JRK: variants seen among roughly 807,000 people sequenced by gnomAD.
JRK encodes jerky protein homolog.
For missense variants in JRK, 720 were observed against 509.2 expected, an observed-to-expected ratio of 1.41 and a Z score of -3.98; for synonymous variants, 303 against 218.1, an observed-to-expected ratio of 1.39 and a Z score of -3.43.
chr8:142,660,429 G>C lies in JRK; in HGVS notation c.*3923C>G, dbSNP rs1270527909. The C allele has an allele frequency of 4.1e-6, 4 of 984,136 alleles. No individual in the cohort carries two copies. Among genetic ancestry groups the C allele is most frequent in the Non-Finnish European group, 4.8e-6 (4 of 828,776 alleles). 61.0% of individuals were successfully genotyped at this position (984,136 alleles called of 1,614,324 possible). On this transcript the variant is annotated 3_prime_UTR_variant, in exon 2 of 2. Transcript: ENST00000612905. ...TGTTATTTTTTGTTTTTAGAGATTA[G>C]GTCTCTCACTCTGTCACCCAGGCTG...
chr8:142,663,047 G>A lies in JRK; in HGVS notation c.*1305C>T, dbSNP rs1360148826. 2 of 661,036 alleles carry A rather than the reference G, an allele frequency of 3.0e-6. No homozygotes were observed. Among genetic ancestry groups the A allele is most frequent in the African/African-American group, 3.9e-5 (2 of 50,794 alleles). The allele number at this position is 661,036 out of a possible 1,614,324, so 40.9% of individuals were successfully genotyped here. On this transcript the variant is annotated 3_prime_UTR_variant, in exon 2 of 2. Transcript: ENST00000612905. The stretch of plus-strand genomic sequence containing the variant: ...GCGTGCCTCTAGTCCCAGCTACTCA[G>A]GAGGCTGGGGCGGGAGGATCACTCA...
At chr8:142,647,651 G>A in the JRK span, among the ~76,000 whole-genome samples, 1 of 152,210 alleles carries the variant, frequency 6.6e-6, no homozygotes, top group South Asian at 2.1e-4. Context: ...GGAGCTGTAA[G>A]TCCATTAAAC....
downstream of JRK, among the ~76,000 whole-genome samples, chr8:142,657,278 G>A (rs998359146): frequency 6.6e-6 from 1 of 152,138 alleles, no homozygotes; most frequent in African/African-American, 2.4e-5. Flanking sequence ...GACCTGGCTC[G>A]AGGGACAGGA....
chr8:142,646,324 T>C, the JRK span, among the ~76,000 whole-genome samples: 1 of 152,192 alleles, frequency 6.6e-6, no homozygotes, highest in African/African-American at 2.4e-5. Flanking sequence ...GAGGAACTTA[T>C]AGTTTAGCTT....
chr8:142,646,018 G>A, the JRK span, among the ~76,000 whole-genome samples: 2 of 151,502 alleles, frequency 1.3e-5, no homozygotes, highest in Non-Finnish European at 2.9e-5. Flanking sequence ...TAGAAAGAAT[G>A]TTTTCCTATA....
chr8:142,645,066 G>C, the JRK span, among the ~76,000 whole-genome samples: 8 of 152,156 alleles, frequency 5.3e-5, no homozygotes, highest in South Asian at 1.7e-3. Context: ...CCTGGGCCTT[G>C]AGGAGTTGAA....
Position 142,664,504 on chromosome 8 carries a change from G to A in JRK, c.1555C>T (p.Arg519Cys), listed in dbSNP as rs2978972. The A allele has an allele frequency of 5.5e-4, 880 of 1,608,956 alleles. 2 individuals are homozygous for A. In the African/African-American group the frequency reaches 0.01, roughly 19 times the overall value. Residue 519 changes from arginine (R) to cysteine (C), a missense_variant, in exon 2 of 2, where the codon CGT (arginine) becomes TGT (cysteine). By Grantham distance (180) the Arg-to-Cys change is radical. Transcript: ENST00000612905. ...TGCTGCTGGCTCCGGAACACGGCAC[G>A]CAGCGCCCGCAGCTGCCCCACTTCC... Reference protein sequence around the residue: ...AQEVGQLRALRAVFRSQQQVR... With the variant: ...AQEVGQLRALCAVFRSQQQVR...
chr8:142,661,547 T>A lies in JRK; in HGVS notation c.*2805A>T. 6 of 985,474 alleles carry A rather than the reference T, an allele frequency of 6.1e-6. No individual in the cohort carries two copies. Among genetic ancestry groups the A allele is most frequent in the Non-Finnish European group, 7.2e-6 (6 of 829,986 alleles). The allele number at this position is 985,474 out of a possible 1,614,324, so 61.0% of individuals were successfully genotyped here. The stretch of plus-strand genomic sequence containing the variant: ...CAGCACCTGCTACCCCACGAGCCAC[T>A]GGAAAACTGAGGCTGCAACTTGCAG... On this transcript the variant is annotated 3_prime_UTR_variant, in exon 2 of 2. Coordinates refer to ENST00000612905, the MANE Select transcript of JRK (RefSeq NM_003724.4).
chr8:142,667,395 AG>A (rs1302360966), intron 1 of JRK, among the ~76,000 whole-genome samples: 4 of 151,786 alleles, frequency 2.6e-5, no homozygotes, highest in African/African-American at 9.7e-5. Context: ...CAACCACGGC[AG>A]GGCCGCAGAG....
intron 1 of JRK, among the ~76,000 whole-genome samples, chr8:142,669,344 T>A (rs1481125331): frequency 2.0e-5 from 3 of 151,934 alleles, no homozygotes; most frequent in Non-Finnish European, 4.4e-5. Context: ...CCTGGGGCCG[T>A]GCGCCCCGCA....
rs370251386 is a variant in JRK, at chr8:142,665,900, G to A, written c.159C>T (p.Tyr53=). The change falls in exon 2 of 2, where the codon TAC becomes TAT. Residue 53 remains tyrosine, a synonymous_variant. Transcript: ENST00000612905. ...GCTGCGCCTTGTGGGCCCTGATGTC[G>A]TAGAGGGTGGACATGCCCACATTGT... is the stretch of plus-strand genomic sequence containing the variant. ...QEYNVGMSTL[Y]DIRAHKAQLL... 29 of 790,164 alleles carry A rather than the reference G, an allele frequency of 3.7e-5. 1 individual carries two copies. The highest frequency in any genetic ancestry group is 1.3e-4 in the African/African-American group (8 of 59,336). 48.9% of individuals were successfully genotyped at this position (790,164 alleles called of 1,614,324 possible).
chr8:142,667,798 A>G (rs1280409165), intron 1 of JRK, among the ~76,000 whole-genome samples: 1 of 152,216 alleles, frequency 6.6e-6, no homozygotes, highest in Non-Finnish European at 1.5e-5. Context: ...CTTCTCCTAT[A>G]TAAAGACAAT....
chr8:142,660,149 C>T lies in JRK; in HGVS notation c.*4203G>A. 1.0e-6 allele frequency: 1 copy of T among 983,684 alleles called. No individual in the cohort carries two copies. Among genetic ancestry groups the T allele is most frequent in the Non-Finnish European group, 1.2e-6 (1 of 830,028 alleles). The allele number at this position is 983,684 out of a possible 1,614,324, so 60.9% of individuals were successfully genotyped here. Reference sequence around the variant, plus strand: ...AACAAGGTCTCACAGGTCCATTCTCCCCAGCCTCCCAGTAGGCAGCTGAGT... The same window carrying T: ...AACAAGGTCTCACAGGTCCATTCTCTCCAGCCTCCCAGTAGGCAGCTGAGT... On this transcript the variant is annotated 3_prime_UTR_variant, in exon 2 of 2. Coordinates refer to ENST00000612905, the MANE Select transcript of JRK (RefSeq NM_003724.4).
Position 142,662,430 on chromosome 8 carries a change from T to C in JRK, c.*1922A>G, listed in dbSNP as rs781946107. The C allele has an allele frequency of 3.1e-5, 31 of 984,830 alleles. 1 individual carries two copies. Among genetic ancestry groups the C allele is most frequent in the Non-Finnish European group, 3.3e-5 (27 of 829,900 alleles). The allele number at this position is 984,830 out of a possible 1,614,324, so 61.0% of individuals were successfully genotyped here. On this transcript the variant is annotated 3_prime_UTR_variant, in exon 2 of 2. Transcript: ENST00000612905. The stretch of plus-strand genomic sequence containing the variant: ...AGCAGTCTTGGTTAAGAGGCTCTAT[T>C]AGGAGTGACACGTGAGCCCAGAAAT...
At chr8:142,646,565 A>T in the JRK span, among the ~76,000 whole-genome samples, 1 of 152,238 alleles carries the variant, frequency 6.6e-6, no homozygotes, top group African/African-American at 2.4e-5. Context: ...GGCAGGGAGA[A>T]GTATAAAATT....
Position 142,658,853 on chromosome 8 carries a change from C to T in JRK, c.*5499G>A. 6.2e-7 allele frequency: 1 copy of T among 1,612,498 alleles called. No individual in the cohort carries two copies. The highest frequency in any genetic ancestry group is 1.7e-4 in the Middle Eastern group (1 of 6,056). ...CTGCCATGTGGCAGAAGTTCTCCAA[C>T]ATTATGTCTCTGTAGAGGCCTCCAG... is the stretch of plus-strand genomic sequence containing the variant. On this transcript the variant is annotated 3_prime_UTR_variant, in exon 2 of 2. Coordinates refer to ENST00000612905, the MANE Select transcript of JRK (RefSeq NM_003724.4).
chr8:142,653,818 C>T (rs1367289764), downstream of JRK, among the ~76,000 whole-genome samples: 3 of 152,200 alleles, frequency 2.0e-5, no homozygotes, highest in African/African-American at 7.2e-5. Flanking sequence ...CAATCAGCAG[C>T]ATCCATTCCC....
Position 142,665,543 on chromosome 8 carries a change from C to G in JRK, c.516G>C (p.Leu172Phe), listed in dbSNP as rs782449084. The change falls in exon 2 of 2, where the codon TTG (leucine) becomes TTC (phenylalanine). Residue 172 changes from leucine (L) to phenylalanine (F), a missense_variant. Coordinates refer to ENST00000612905, the MANE Select transcript of JRK (RefSeq NM_003724.4). ...AEQFCAFFRS[L>F]AAEHGLSAEQ... ...CGGCGGACAGCCCGTGCTCAGCAGC[C>G]AAGCTCCTGAAAAACGCACAGAACT... 4 of 718,468 alleles carry G rather than the reference C, an allele frequency of 5.6e-6. No homozygotes were observed. Among genetic ancestry groups the G allele is most frequent in the South Asian group, 4.4e-5 (3 of 67,606 alleles). 44.5% of individuals were successfully genotyped at this position (718,468 alleles called of 1,614,324 possible). A position where few individuals can be genotyped will look rare whatever the true frequency, so the allele number is the denominator to read the frequency against.
chr8:142,659,484 T>C lies in JRK; in HGVS notation c.*4868A>G. ...AGCCTGGGTGTGGAAATGGCCGTGCTGACAGGCTCTCTGCGATAGGGCCCA... is the reference window on the plus strand; with the variant it reads ...AGCCTGGGTGTGGAAATGGCCGTGCCGACAGGCTCTCTGCGATAGGGCCCA... On this transcript the variant is annotated 3_prime_UTR_variant, in exon 2 of 2. Transcript: ENST00000612905. The C allele has an allele frequency of 1.0e-6, 1 of 986,424 alleles. No homozygotes were observed. Among genetic ancestry groups the C allele is most frequent in the Non-Finnish European group, 1.2e-6 (1 of 830,568 alleles). 61.1% of individuals were successfully genotyped at this position (986,424 alleles called of 1,614,324 possible). A position where few individuals can be genotyped will look rare whatever the true frequency, so the allele number is the denominator to read the frequency against.
Sources: gnomAD v4.1 joint callset for allele counts (sites outside exome capture counted in the v4.1 genomes callset) on GRCh38, gnomAD v4.1.1 for gene constraint, MANE v1.5 for transcripts, NCBI Gene and HGNC (gene_info 2026-07-23, HGNC 2026-07-21) for gene names.